KIAA1549: variants seen among roughly 807,000 people sequenced by gnomAD.
KIAA1549 encodes the protein UPF0606 protein KIAA1549.
Under a neutral mutation model 156.4 loss-of-function variants are expected in KIAA1549, and 70 were observed. The ratio of observed to expected loss-of-function variants is 0.45; its 90% CI spans 0.37 to 0.55. The LOEUF is 0.55. Among genes scored for constraint, KIAA1549 ranks in the 20% least tolerant of loss-of-function variants. The pLI, the probability that KIAA1549 is intolerant of heterozygous loss-of-function variation, is 0.00. For missense variants in KIAA1549, 2,428 were observed against 2,540.9 expected (o/e 0.96, Z 0.96); for synonymous variants, 1,103 against 1,066.4 (o/e 1.03, Z -0.67).
chr7:138,898,930 AGAC>A (rs747508180), intron 9 of KIAA1549, 22 bp downstream of exon 9: 21 of 1,612,302 alleles, frequency 1.3e-5, no homozygotes, highest in Non-Finnish European at 1.7e-5. Context: ...AGCACAGCAC[AGAC>A]GACAACACCT....
intron 1 of KIAA1549, among the ~76,000 whole-genome samples, chr7:138,961,949 G>A (rs926135621): frequency 2.8e-4 from 43 of 151,212 alleles, no homozygotes; most frequent in African/African-American, 9.5e-4. Flanking sequence ...TCATCCTCCC[G>A]CCCCTTTACC....
Position 138,861,179 on chromosome 7 carries a change from G to C in KIAA1549, c.5207C>G (p.Ser1736Cys). Reference sequence around the variant, plus strand: ...GGCCGTCTGGGCTGGGCTGTAGAAGGACCCCCACTGGGTGGCTCGCCTCTC... The same window carrying C: ...GGCCGTCTGGGCTGGGCTGTAGAAGCACCCCCACTGGGTGGCTCGCCTCTC... ...QEERRATQWGSFYSPAQTANN... is the reference protein window; with the variant it reads ...QEERRATQWGCFYSPAQTANN... Residue 1736 changes from serine (S) to cysteine (C), a missense_variant, in exon 16 of 20, where the codon TCC becomes TGC. Physicochemically the swap from Ser to Cys is moderately radical, Grantham distance 112 (BLOSUM62 -1). Coordinates refer to ENST00000422774, the MANE Select transcript of KIAA1549 (RefSeq NM_001164665.2). The C allele has an allele frequency of 6.2e-7, 1 of 1,613,878 alleles. No homozygotes were observed. Among genetic ancestry groups the C allele is most frequent in the Non-Finnish European group, 8.5e-7 (1 of 1,179,880 alleles).
intron 10 of KIAA1549, among the ~76,000 whole-genome samples, chr7:138,885,410 T>C (rs1811362212): frequency 6.6e-6 from 1 of 152,088 alleles, no homozygotes; most frequent in Non-Finnish European, 1.5e-5. Context: ...GCATGACCCA[T>C]AAAACTTCCC....
chr7:138,898,305 CAAAA>C (rs575419720), intron 9 of KIAA1549, among the ~76,000 whole-genome samples: 1 of 47,612 alleles, frequency 2.1e-5, no homozygotes. Flanking sequence ...GACTCCATCT[CAAAA>C]AAAAAAAAAA....
chr7:138,887,455 A>G (rs1457422948), intron 10 of KIAA1549, among the ~76,000 whole-genome samples: 2 of 152,124 alleles, frequency 1.3e-5, no homozygotes, highest in Non-Finnish European at 2.9e-5. Flanking sequence ...TTCTAGGAGC[A>G]GGCAGCCCTT....
chr7:138,875,669 T>C (rs547922776), intron 12 of KIAA1549, among the ~76,000 whole-genome samples: 50 of 152,126 alleles, frequency 3.3e-4, no homozygotes, highest in Non-Finnish European at 6.2e-4. Context: ...TGGGATTGTA[T>C]AGAACAGGAT....
intron 15 of KIAA1549, among the ~76,000 whole-genome samples, chr7:138,867,698 G>T (rs866089019): frequency 6.6e-6 from 1 of 152,220 alleles, no homozygotes; most frequent in Admixed American, 6.5e-5. Flanking sequence ...CTGAGAGAAC[G>T]GGGCTTACGT....
chr7:138,915,138 A>C (rs1208510900), intron 2 of KIAA1549, among the ~76,000 whole-genome samples: 1 of 152,156 alleles, frequency 6.6e-6, no homozygotes, highest in African/African-American at 2.4e-5. Flanking sequence ...CCATGATGAC[A>C]GTCTCCTCCC....
intron 1 of KIAA1549, among the ~76,000 whole-genome samples, chr7:138,964,957 GT>G (rs144214106): frequency 0.096 from 14,275 of 149,458 alleles, 774 homozygotes; most frequent in South Asian, 0.2. Context: ...TTTTTTCTTT[GT>G]TTTTTTTTCT....
intron 1 of KIAA1549, among the ~76,000 whole-genome samples, chr7:138,931,459 G>A (rs892876324): frequency 6.6e-6 from 1 of 152,136 alleles, no homozygotes; most frequent in Non-Finnish European, 1.5e-5. Context: ...TGAACAGAAG[G>A]TCTCAATTTT....
At chr7:138,980,402 T>C (rs1352364704) in intron 1 of KIAA1549, among the ~76,000 whole-genome samples, 1 of 152,258 alleles carries the variant, frequency 6.6e-6, no homozygotes, top group African/African-American at 2.4e-5. Context: ...GAACAGTCAC[T>C]AAATTGCATC....
chr7:138,969,370 G>T (rs1320946118), intron 1 of KIAA1549, among the ~76,000 whole-genome samples: 1 of 152,138 alleles, frequency 6.6e-6, no homozygotes, highest in Non-Finnish European at 1.5e-5. Flanking sequence ...TCACGTAAGT[G>T]GAATCCTACA....
chr7:138,904,174 A>G (rs1811942240), intron 7 of KIAA1549, among the ~76,000 whole-genome samples: 1 of 152,220 alleles, frequency 6.6e-6, no homozygotes, highest in African/African-American at 2.4e-5. Context: ...AACTAACTTG[A>G]AAAAAGGAAG....
chr7:138,950,064 G>A (rs961734959), intron 1 of KIAA1549, among the ~76,000 whole-genome samples: 1 of 152,174 alleles, frequency 6.6e-6, no homozygotes, highest in Non-Finnish European at 1.5e-5. Context: ...GTGTATGGCA[G>A]GATTGCCATG....
rs774355805 is a variant in KIAA1549 at position 138,834,165 on chromosome 7, T to C, written c.*3741A>G. ...AATTCATTTATGTCTTTTGAACAAA[T>C]TTTTTTCTTTTTGAGACACAGTCTT... is the stretch of plus-strand genomic sequence containing the variant. On this transcript the variant is annotated 3_prime_UTR_variant, in exon 20 of 20. Coordinates refer to ENST00000422774, the MANE Select transcript of KIAA1549 (RefSeq NM_001164665.2). 7 of 200,426 alleles carry C rather than the reference T, an allele frequency of 3.5e-5. No individual in the cohort carries two copies. The highest frequency in any genetic ancestry group is 7.2e-5 in the Non-Finnish European group (7 of 97,298). 12.4% of individuals were successfully genotyped at this position (200,426 alleles called of 1,614,324 possible). A position where few individuals can be genotyped will look rare whatever the true frequency, so the allele number is the denominator to read the frequency against.
intron 2 of KIAA1549, among the ~76,000 whole-genome samples, chr7:138,914,192 C>CTGCA (rs1407580256): frequency 6.6e-6 from 1 of 152,182 alleles, no homozygotes; most frequent in African/African-American, 2.4e-5. Flanking sequence ...AAATGCCACT[C>CTGCA]TGCAAAGTCC....
rs200697760 is a variant in KIAA1549, at chr7:138,960,290, TATTG to T, written c.187+20789_187+20792del. Among the ~76,000 whole-genome samples the T allele has an allele frequency of 7.6e-3, 650 of 85,952 alleles. 5 individuals carry two copies. Among genetic ancestry groups the T allele is most frequent in the African/African-American group, 0.035 (604 of 17,364 alleles). 56.4% of individuals were successfully genotyped at this position (85,952 alleles called of 152,430 possible). ...ATCTCTACAAAAATAAATTTTATTT[TATTG>T]ATTTATTGATTTATTTATTTATTTA... On this transcript the variant is annotated intron_variant, in intron 1 of 19. Transcript: ENST00000422774.
At chr7:138,842,506 G>A (rs990193604) in intron 18 of KIAA1549, among the ~76,000 whole-genome samples, 5 of 152,188 alleles carry the variant, frequency 3.3e-5, no homozygotes, top group African/African-American at 1.2e-4. Flanking sequence ...AGCCAACATG[G>A]TGAAACCCTG....
At chr7:138,896,858 C>T (rs1045426888) in intron 9 of KIAA1549, among the ~76,000 whole-genome samples, 1 of 152,074 alleles carries the variant, frequency 6.6e-6, no homozygotes, top group Non-Finnish European at 1.5e-5. Context: ...GCCTCTATCT[C>T]CCAAAGTGCT....
Sources: allele counts gnomAD v4.1 joint callset (sites outside exome capture counted in the v4.1 genomes callset), GRCh38; gene constraint gnomAD v4.1.1; transcripts MANE v1.5; gene names NCBI Gene and HGNC (gene_info 2026-07-23, HGNC 2026-07-21).